The following CREBBP variants were observed in gnomAD, a reference collection of about 807,000 sequenced individuals.
The protein encoded by CREBBP is CREB binding lysine acetyltransferase, also known as CREB-binding protein.
CREBBP carries 19 observed loss-of-function variants against 265.0 expected under a neutral mutation model. The observed-to-expected ratio is 0.07, with a 90% CI of 0.05 to 0.11. The LOEUF is 0.11. Ranked by LOEUF, CREBBP falls within the 10% of genes least tolerant of loss-of-function variation. CREBBP has a pLI of 1.00. For missense variants in CREBBP, 2,525 were observed against 3,219.0 expected (o/e 0.78, Z 5.22); for synonymous variants, 1,457 against 1,223.7 (o/e 1.19, Z -3.98).
chr16:3,774,765 A>G (rs950117284), intron 11 of CREBBP, 72 bp from the exon 12 acceptor site: 132 of 1,591,022 alleles, frequency 8.3e-5, no homozygotes, highest in Non-Finnish European at 1.1e-4. Flanking sequence ...TTGCTAAATA[A>G]ACTCTTAAGT....
At chr16:3,866,672 C>T (rs961863526) in intron 1 of CREBBP, among the ~76,000 whole-genome samples, 2 of 151,880 alleles carry the variant, frequency 1.3e-5, no homozygotes, top group East Asian at 1.9e-4. Flanking sequence ...AAAAAAAACC[C>T]TCAGAATATA....
chr16:3,869,535 A>C (rs1421817037), intron 1 of CREBBP, among the ~76,000 whole-genome samples: 1 of 152,200 alleles, frequency 6.6e-6, no homozygotes, highest in Non-Finnish European at 1.5e-5. Context: ...AAGTAAATGT[A>C]CTTACAGTTG....
chr16:3,837,287 A>G (rs1270980553), intron 2 of CREBBP, among the ~76,000 whole-genome samples: 2 of 152,146 alleles, frequency 1.3e-5, no homozygotes, highest in Non-Finnish European at 2.9e-5. Context: ...ATGTGTGTAC[A>G]TTTATGTTTT....
chr16:3,778,058 C>T lies in CREBBP; in HGVS notation c.2066G>A (p.Gly689Glu). The part of the protein sequence containing the change: ...LGNQPALPAP[G>E]AQPPVIPQAQ... ...CTGTGGAATCACAGGGGGCTGAGCCCCCGGGGCTGGTAAGGCTGGCTGGTT... is the reference window on the plus strand; with the variant it reads ...CTGTGGAATCACAGGGGGCTGAGCCTCCGGGGCTGGTAAGGCTGGCTGGTT... The change falls in exon 10 of 31, where the codon GGG becomes GAG. Residue 689 changes from glycine (G) to glutamate (E), a missense_variant. Coordinates refer to ENST00000262367, the MANE Select transcript of CREBBP (RefSeq NM_004380.3). 1 of 1,614,210 alleles carries T rather than the reference C, an allele frequency of 6.2e-7. No homozygotes were observed.
intron 6 of CREBBP, 80 bp downstream of exon 6, chr16:3,782,604 A>G: frequency 6.5e-7 from 1 of 1,545,866 alleles, no homozygotes; most frequent in Non-Finnish European, 8.7e-7. Flanking sequence ...ACAAACTGAA[A>G]ACTGCCTTGG....
At chr16:3,794,312 A>ACAGATCG (rs1202353599) in intron 3 of CREBBP, among the ~76,000 whole-genome samples, 1 of 120,612 alleles carries the variant, frequency 8.3e-6, no homozygotes, top group Non-Finnish European at 1.6e-5. Flanking sequence ...AGCCTGGGCG[A>ACAGATCG]CAGATCGAGA....
In CREBBP at chr16:3,764,835, G is replaced by A. The variant is rs112241225; in HGVS notation, c.3250+2885C>T. On this transcript the variant is annotated intron_variant, in intron 16 of 30. Coordinates refer to ENST00000262367, the MANE Select transcript of CREBBP (RefSeq NM_004380.3). ...TGGCTTCAAGTGATCCTCCCACTTTGGCCTTCCAAAGTGCTGAGATTACAG... is the reference window on the plus strand; with the variant it reads ...TGGCTTCAAGTGATCCTCCCACTTTAGCCTTCCAAAGTGCTGAGATTACAG... Among the ~76,000 whole-genome samples the A allele has an allele frequency of 2.7e-3, 418 of 152,048 alleles. 1 individual carries two copies. Among genetic ancestry groups the A allele is most frequent in the Admixed American group, 5.6e-3 (85 of 15,286 alleles).
chr16:3,769,391 G>A (rs1207254247), intron 14 of CREBBP, 38 bp from the exon 15 acceptor site: 1 of 1,612,610 alleles, frequency 6.2e-7, no homozygotes, highest in South Asian at 1.1e-5. Context: ...CAGTAAGCAA[G>A]GTAACATAAA....
At chr16:3,783,178 A>C (rs2053312845) in intron 5 of CREBBP, among the ~76,000 whole-genome samples, 1 of 152,236 alleles carries the variant, frequency 6.6e-6, no homozygotes. Context: ...CAGACCATAA[A>C]ATCTCACAGA....
intron 1 of CREBBP, among the ~76,000 whole-genome samples, chr16:3,873,459 T>C (rs1051259373): frequency 6.6e-6 from 1 of 152,218 alleles, no homozygotes; most frequent in African/African-American, 2.4e-5. Context: ...TTTCTGTGGA[T>C]ACGAGCACAC....
In CREBBP at chr16:3,769,217, G is replaced by A. The variant is rs2141190720; in HGVS notation, c.3017C>T (p.Thr1006Ile). 1 of 1,614,154 alleles carries A rather than the reference G, an allele frequency of 6.2e-7. No homozygotes were observed. The highest frequency in any genetic ancestry group is 8.5e-7 in the Non-Finnish European group (1 of 1,180,020). ...EMKTETQAED[T>I]EPDPGESKGE... ...TTTGGATTCACCAGGATCGGGCTCA[G>A]TGTCCTCTGCTTGGGTCTCCGTCTT... Residue 1006 changes from threonine (T) to isoleucine (I), a missense_variant, in exon 15 of 31, where the codon ACT becomes ATT. Around this residue, in one of 19 missense-constraint regions of CREBBP, gnomAD observed 548 missense variants for 533.0 expected, o/e 1.03. Transcript: ENST00000262367.
chr16:3,740,009 T>G (rs1464596410), intron 24 of CREBBP, among the ~76,000 whole-genome samples: 1 of 152,248 alleles, frequency 6.6e-6, no homozygotes, highest in Non-Finnish European at 1.5e-5. Flanking sequence ...ACGGGGTGTA[T>G]GTTCCAAGAC....
chr16:3,774,801 C>G, intron 11 of CREBBP, 108 bp from the exon 12 acceptor site: 2 of 1,384,430 alleles, frequency 1.4e-6, no homozygotes, highest in Non-Finnish European at 2.0e-6. Context: ...GCACAGGCAA[C>G]AGAAAACTGA....
chr16:3,782,885 C>A lies in CREBBP; in HGVS notation c.1372G>T (p.Gly458Cys). Residue 458 changes from glycine (G) to cysteine (C), a missense_variant, in exon 6 of 31, where the codon GGT becomes TGT. By Grantham distance (159) the Gly-to-Cys change is radical. Around this residue, in one of 19 missense-constraint regions of CREBBP, gnomAD observed 48 missense variants for 70.2 expected, o/e 0.68. Transcript: ENST00000262367. ...TTCTGTTGCCCTGTGCCAACAGAAC[C>A]AATTGTGTTTTGAATTCCACTAGCT... The part of the protein sequence containing the change: ...SPASGIQNTI[G>C]SVGTGQQNAT... 2 of 1,614,112 alleles carry A rather than the reference C, an allele frequency of 1.2e-6. No homozygotes were observed. The highest frequency in any genetic ancestry group is 1.7e-6 in the Non-Finnish European group (2 of 1,180,024).
intron 2 of CREBBP, among the ~76,000 whole-genome samples, chr16:3,814,195 GTTTGAGACAGAGTCTCGTTC>G (rs1412232327): frequency 4.8e-5 from 7 of 146,860 alleles, no homozygotes; most frequent in East Asian, 2.0e-4. Flanking sequence ...GTGTGTGTGT[GTTTGAGACAGAGTCTCGTTC>G]TGTGTGTGTG....
chr16:3,828,439 G>C (rs74003418), intron 2 of CREBBP, among the ~76,000 whole-genome samples: 3,480 of 152,290 alleles, frequency 0.023, 137 homozygotes, highest in African/African-American at 0.079. Context: ...GGCTGAATTA[G>C]TATTTCAGAT....
At position 3,740,469 on chromosome 16, in the gene CREBBP, C is replaced by T. The variant is rs774076896; in HGVS notation, c.4063G>A (p.Gly1355Arg). ...FLRRQNHPEA[G>R]EVFVRVVASS... is the part of the protein sequence containing the mutation. ...GCCACCACTCGGACAAAAACCTCCC[C>T]GGCTTCAGGGTGATTCTGGCGCCGC... Residue 1355 changes from glycine to arginine, a missense_variant, in exon 24 of 31, where the codon GGG becomes AGG. Physicochemically the swap from Gly to Arg is moderately radical, Grantham distance 125 (BLOSUM62 -2). Coordinates refer to ENST00000262367, the MANE Select transcript of CREBBP (RefSeq NM_004380.3). 6.8e-6 allele frequency: 11 copies of T among 1,614,068 alleles called. No individual in the cohort carries two copies. In the Admixed American group the frequency reaches 1.0e-4, roughly 15 times the overall value.
Position 3,727,876 on chromosome 16 carries a change from T to C in CREBBP, c.7171A>G (p.Met2391Val), listed in dbSNP as rs1352644449. 7.4e-6 allele frequency: 12 copies of C among 1,613,646 alleles called. No individual in the cohort carries two copies. The highest frequency in any genetic ancestry group is 4.5e-5 in the East Asian group (2 of 44,884). The change falls in exon 31 of 31, where the codon ATG becomes GTG. Residue 2391 changes from methionine (M) to valine (V), a missense_variant. Physicochemically the swap from Met to Val is conservative, Grantham distance 21. Around this residue, in one of 19 missense-constraint regions of CREBBP, gnomAD observed 473 missense variants for 459.3 expected, o/e 1.03. Transcript: ENST00000262367. ...TGTCCCTGATCTATGGAGCTGGCCATGGTGACTGCGAGTCCGGGGTGGGGG... is the reference window on the plus strand; with the variant it reads ...TGTCCCTGATCTATGGAGCTGGCCACGGTGACTGCGAGTCCGGGGTGGGGG... ...GSPHPGLAVT[M>V]ASSIDQGHLG...
chr16:3,774,356 C>T (rs375700323), intron 12 of CREBBP, among the ~76,000 whole-genome samples: 3 of 152,164 alleles, frequency 2.0e-5, no homozygotes, highest in Non-Finnish European at 2.9e-5. Flanking sequence ...CCACACATTC[C>T]TATGAATTTG....
Sources: gnomAD v4.1 joint callset for allele counts (sites outside exome capture counted in the v4.1 genomes callset) on GRCh38, gnomAD v4.1.1 for gene constraint, gnomAD v4.1.1 regional missense constraint, MANE v1.5 for transcripts, NCBI Gene and HGNC (gene_info 2026-07-23, HGNC 2026-07-21) for gene names.